GNB5: variants seen among roughly 807,000 people sequenced by gnomAD.
GNB5 encodes the protein guanine nucleotide-binding protein subunit beta-5.
Under a neutral mutation model 55.3 loss-of-function variants are expected in GNB5, and 37 were observed. The ratio of observed to expected loss-of-function variants is 0.67; its 90% CI spans 0.51 to 0.88. The LOEUF (loss-of-function observed/expected upper bound fraction) is 0.88. GNB5 is among the 40% of genes least tolerant of loss of function. The pLI, the probability that GNB5 is intolerant of heterozygous loss-of-function variation, is 0.00. For missense variants in GNB5, 476 were observed against 515.3 expected (o/e 0.92, Z 0.74); for synonymous variants, 219 against 198.5 (o/e 1.10, Z -0.87).
intron 2 of GNB5, among the ~76,000 whole-genome samples, chr15:52,182,349 A>C (rs751131390): frequency 6.6e-6 from 1 of 152,078 alleles, no homozygotes; most frequent in Non-Finnish European, 1.5e-5. Context: ...CTCTGTTTGG[A>C]CCGTTGCAGG....
rs1225518451 is a variant in GNB5 at position 52,149,871 on chromosome 15, A to G, written c.417+13T>C. On this transcript the variant is annotated intron_variant, in intron 5 of 12. Transcript: ENST00000261837. ...CTGAAGCCTCTATAACGTGGCTGGG[A>G]ACAATGCCTCACCTTGTTTGTGGTG... 6.2e-7 allele frequency: 1 copy of G among 1,603,594 alleles called. No homozygotes were observed. The highest frequency in any genetic ancestry group is 8.5e-7 in the Non-Finnish European group (1 of 1,170,620).
intron 9 of GNB5, 123 bp downstream of exon 9, chr15:52,133,255 T>C (rs1280505653): frequency 6.2e-6 from 4 of 641,722 alleles, no homozygotes; most frequent in Admixed American, 2.7e-5. Flanking sequence ...TCAGCCTTTC[T>C]TCCCGGGGAG....
At chr15:52,149,730 G>C (rs538929471) in intron 5 of GNB5, 154 bp downstream of exon 5, 1 of 714,924 alleles carries the variant, frequency 1.4e-6, no homozygotes, top group Non-Finnish European at 2.6e-6. Flanking sequence ...GTTCAAACAC[G>C]GATAGGCCTT....
rs549791557 is a variant in GNB5 at position 52,186,875 on chromosome 15, C to T, written c.-18-2181G>A. 5.3e-5 allele frequency among the ~76,000 whole-genome samples: 8 copies of T among 152,168 alleles called. No homozygotes were observed. The South Asian group carries it at 1.0e-3, about 20-fold the overall frequency. On this transcript the variant is annotated intron_variant, in intron 1 of 12. Coordinates refer to ENST00000261837, the MANE Select transcript of GNB5 (RefSeq NM_016194.4). ...CAGCAAAGGGGCAGTCAGCACAGTT[C>T]GAGACCTCTGGGCAACAAAGGTGTA...
chr15:52,124,005 CAAA>C (rs56008657), intron 12 of GNB5, among the ~76,000 whole-genome samples: 3,341 of 84,414 alleles, frequency 0.04, 43 homozygotes, highest in Middle Eastern at 0.086. Context: ...ATAGAAAAAC[CAAA>C]AAAAAAAAAA....
chr15:52,124,491 T>C lies in GNB5; in HGVS notation c.1158A>G (p.Ser386=). 2 of 1,613,832 alleles carry C rather than the reference T, an allele frequency of 1.2e-6. No individual in the cohort carries two copies. The highest frequency in any genetic ancestry group is 1.7e-6 in the Non-Finnish European group (2 of 1,179,748). Residue 386 remains serine, a synonymous_variant, in exon 12 of 13, where the codon TCA becomes TCG. Coordinates refer to ENST00000261837, the MANE Select transcript of GNB5 (RefSeq NM_016194.4). ...SPDGTAFCSG[S]WDHTLRVWA is the part of the protein sequence containing the mutation. ...CTCTTACTCTGAGGGTATGATCCCATGATCCAGAGCAGAAAGCAGTCCCAT... is the reference window on the plus strand; with the variant it reads ...CTCTTACTCTGAGGGTATGATCCCACGATCCAGAGCAGAAAGCAGTCCCAT...
In GNB5 at chr15:52,124,607, T is replaced by C; in HGVS notation, c.1042A>G (p.Thr348Ala). The change falls in exon 12 of 13, where the codon ACT (threonine) becomes GCT (alanine). Residue 348 changes from threonine (T) to alanine (A), a missense_variant. By Grantham distance (58) the Thr-to-Ala change is moderately conservative (BLOSUM62 0). Coordinates refer to ENST00000261837, the MANE Select transcript of GNB5 (RefSeq NM_016194.4). Reference protein sequence around the residue: ...RLLFAGYNDYTINVWDVLKGS... With the variant: ...RLLFAGYNDYAINVWDVLKGS... ...TTGAGAACATCCCAGACGTTGATAG[T>C]GTAATCATTGTATCCAGCAAACAGC... 1.2e-6 allele frequency: 2 copies of C among 1,614,100 alleles called. No homozygotes were observed. Among genetic ancestry groups the C allele is most frequent in the Non-Finnish European group, 1.7e-6 (2 of 1,179,952 alleles).
At chr15:52,140,024 C>G (rs992908226) in intron 7 of GNB5, 69 of 1,117,136 alleles carry the variant, frequency 6.2e-5, no homozygotes, top group Non-Finnish European at 7.4e-5. Flanking sequence ...CCACAGCGCC[C>G]CCTGGTGAAC....
At chr15:52,122,872 A>C in intron 12 of GNB5, 104 bp from the exon 13 acceptor site, 1 of 822,508 alleles carries the variant, frequency 1.2e-6, no homozygotes, top group Non-Finnish European at 2.1e-6. Context: ...ATGCATGGGC[A>C]TACATATATG....
intron 3 of GNB5, among the ~76,000 whole-genome samples, chr15:52,159,618 T>C (rs2034288564): frequency 1.3e-5 from 2 of 152,190 alleles, no homozygotes; most frequent in African/African-American, 2.4e-5. Context: ...AGAGGAAGTG[T>C]AGGCCAGTGA....
chr15:52,162,422 A>G (rs1430874670), intron 3 of GNB5, among the ~76,000 whole-genome samples: 2 of 152,244 alleles, frequency 1.3e-5, no homozygotes, highest in Non-Finnish European at 2.9e-5. Context: ...AAAATTCACA[A>G]CAGGGTCCTT....
At chr15:52,132,014 C>T (rs1181128824) in intron 9 of GNB5, among the ~76,000 whole-genome samples, 1 of 152,222 alleles carries the variant, frequency 6.6e-6, no homozygotes, top group Non-Finnish European at 1.5e-5. Context: ...GCTATCCCTC[C>T]AGTCTTCCCT....
At chr15:52,190,709 G>A (rs577161028) in intron 1 of GNB5, among the ~76,000 whole-genome samples, 1 of 148,130 alleles carries the variant, frequency 6.8e-6, no homozygotes, top group South Asian at 2.1e-4. Flanking sequence ...AAAGTGAAAC[G>A]GATATAGTCT....
Position 52,179,811 on chromosome 15 carries a change from C to T in GNB5, c.195G>A (p.Lys65=), listed in dbSNP as rs1006018755. 35 of 1,552,996 alleles carry T rather than the reference C, an allele frequency of 2.3e-5. No individual in the cohort carries two copies. Among genetic ancestry groups the T allele is most frequent in the Admixed American group, 3.7e-5 (2 of 53,966 alleles). ...ASLKSEAESL[K]GKLEEERAKL... The stretch of plus-strand genomic sequence containing the variant: ...TGGCTCGCTCCTCCTCCAGCTTGCC[C>T]TTGAGGCTCTCGGCCTCGCTCTTCA... The change falls in exon 3 of 13, where the codon AAG becomes AAA. Residue 65 remains lysine (K), a synonymous_variant. Coordinates refer to ENST00000261837, the MANE Select transcript of GNB5 (RefSeq NM_016194.4).
intron 6 of GNB5, chr15:52,144,050 C>G (rs2033917390): frequency 6.6e-6 from 1 of 152,262 alleles, no homozygotes. Flanking sequence ...GGTGGGGAAA[C>G]AGAGATGACA....
In GNB5 at chr15:52,141,279, T is replaced by A. The variant is rs769446673; in HGVS notation, c.495-7A>T. On this transcript the variant is annotated splice_polypyrimidine_tract_variant and splice_region_variant and intron_variant, in intron 6 of 12. Coordinates refer to ENST00000261837, the MANE Select transcript of GNB5 (RefSeq NM_016194.4). ...ACACTTATTATCCAAACCACTAGGA[T>A]GGAAAGAAAGAAGTACCAAAGATTA... 1.9e-6 allele frequency: 3 copies of A among 1,613,114 alleles called. No individual in the cohort carries two copies. Among genetic ancestry groups the A allele is most frequent in the Admixed American group, 3.3e-5 (2 of 59,978 alleles).
intron 8 of GNB5, among the ~76,000 whole-genome samples, chr15:52,134,692 C>T (rs1033743369): frequency 5.3e-5 from 8 of 152,150 alleles, no homozygotes; most frequent in Non-Finnish European, 5.9e-5. Flanking sequence ...CTCCCAGGAT[C>T]GATATGTGGG....
intron 3 of GNB5, among the ~76,000 whole-genome samples, chr15:52,164,336 A>T (rs955724378): frequency 2.1e-5 from 2 of 97,026 alleles, no homozygotes; most frequent in South Asian, 3.6e-4. Flanking sequence ...AAAAAAAAAA[A>T]TGCTGGGTGT....
chr15:52,190,408 C>T (rs1348754406), intron 1 of GNB5, among the ~76,000 whole-genome samples: 1 of 152,134 alleles, frequency 6.6e-6, no homozygotes, highest in African/African-American at 2.4e-5. Context: ...TGAGCCACCG[C>T]GCCCAGCCCA....
Sources: gnomAD v4.1 joint callset for allele counts (sites outside exome capture counted in the v4.1 genomes callset) on GRCh38, gnomAD v4.1.1 for gene constraint, MANE v1.5 for transcripts, NCBI Gene and HGNC (gene_info 2026-07-23, HGNC 2026-07-21) for gene names.